The following NME7 variants were observed in gnomAD, a reference collection of about 807,000 sequenced individuals.
The protein encoded by NME7 is NME/NM23 family member 7.
In NME7, 41 loss-of-function variants were observed where a neutral mutation model predicts 49.1. The ratio of observed to expected loss-of-function variants is 0.83; its 90% CI spans 0.65 to 1.08. NME7 has a LOEUF of 1.08. Among genes scored for constraint, NME7 ranks in the 50% least tolerant of loss-of-function variants. The probability of loss-of-function intolerance (pLI) is 0.00; values close to 1 mark genes in which losing one functional copy is unlikely to be tolerated. For synonymous variants in NME7, 139 were observed against 150.6 expected, an observed-to-expected ratio of 0.92 and a Z score of 0.56; for missense variants, 423 against 463.4, an observed-to-expected ratio of 0.91 and a Z score of 0.80.
At chr1:169,160,184 C>G (rs994633904) in intron 11 of NME7, among the ~76,000 whole-genome samples, 2 of 152,144 alleles carry the variant, frequency 1.3e-5, no homozygotes, top group East Asian at 3.8e-4. Context: ...CTTGGCCCAT[C>G]TACTTTATCC....
At chr1:169,342,280 T>C (rs1481308220) in intron 1 of NME7, among the ~76,000 whole-genome samples, 3 of 151,754 alleles carry the variant, frequency 2.0e-5, no homozygotes, top group Non-Finnish European at 1.5e-5. Context: ...CCCCTGCACA[T>C]TCTCTCTCTC....
intron 5 of NME7, 121 bp downstream of exon 5, chr1:169,303,024 A>G: frequency 1.7e-6 from 1 of 579,086 alleles, no homozygotes; most frequent in East Asian, 3.4e-5. Flanking sequence ...GTGCAGTTGC[A>G]AGATGTTGCT....
chr1:169,335,157 T>C (rs1410915866), intron 1 of NME7, among the ~76,000 whole-genome samples: 5 of 152,208 alleles, frequency 3.3e-5, no homozygotes, highest in Non-Finnish European at 1.5e-5. Context: ...TGGTGATTCC[T>C]CAAGGATTTA....
At chr1:169,318,286 A>G (rs1427105515) in intron 3 of NME7, among the ~76,000 whole-genome samples, 1 of 152,236 alleles carries the variant, frequency 6.6e-6, no homozygotes, top group Non-Finnish European at 1.5e-5. Context: ...ATTTTGATCT[A>G]CATCTATCTC....
At chr1:169,271,756 A>C (rs1438031726) in intron 7 of NME7, among the ~76,000 whole-genome samples, 1 of 132,976 alleles carries the variant, frequency 7.5e-6, no homozygotes, top group Non-Finnish European at 1.8e-5. Context: ...TTTTAAAATA[A>C]AAATCTTTAA....
intron 11 of NME7, among the ~76,000 whole-genome samples, chr1:169,155,277 G>T (rs1456747232): frequency 6.6e-6 from 1 of 152,162 alleles, no homozygotes; most frequent in Non-Finnish European, 1.5e-5. Flanking sequence ...AGATGGTGAG[G>T]GTCTAGGATG....
chr1:169,282,004 A>G (rs12723742), intron 7 of NME7, among the ~76,000 whole-genome samples: 47,872 of 151,874 alleles, frequency 0.32, 8,406 homozygotes, highest in East Asian at 0.67. Context: ...TATTGTTTGG[A>G]ACAGTTTCAG....
At chr1:169,287,458 C>G in intron 6 of NME7, 50 bp from the exon 7 acceptor site, 4 of 1,243,634 alleles carry the variant, frequency 3.2e-6, no homozygotes, top group Non-Finnish European at 4.4e-6. Flanking sequence ...TTATCTTGAA[C>G]TTACAAGATA....
At chr1:169,160,127 T>C (rs1659202603) in intron 11 of NME7, among the ~76,000 whole-genome samples, 2 of 152,156 alleles carry the variant, frequency 1.3e-5, no homozygotes, top group South Asian at 4.1e-4. Flanking sequence ...GCTCTTTCCC[T>C]GTTATTCCTG....
chr1:169,205,428 G>A (rs1312818754), intron 10 of NME7, among the ~76,000 whole-genome samples: 8 of 152,226 alleles, frequency 5.3e-5, no homozygotes, highest in Non-Finnish European at 1.5e-5. Context: ...GTGTCAAATA[G>A]TTGTGTGGTA....
At chr1:169,312,560 C>G (rs111308821) in intron 3 of NME7, among the ~76,000 whole-genome samples, 3 of 152,190 alleles carry the variant, frequency 2.0e-5, no homozygotes, top group African/African-American at 7.2e-5. Context: ...ACGGTAACTA[C>G]TTCTTGTGAA....
chr1:169,342,586 A>G (rs1367452828), intron 1 of NME7, among the ~76,000 whole-genome samples: 1 of 96,618 alleles, frequency 1.0e-5, no homozygotes, highest in Non-Finnish European at 2.2e-5. Flanking sequence ...GTATATATAT[A>G]TATACAAGTA....
intron 1 of NME7, among the ~76,000 whole-genome samples, chr1:169,325,324 T>C (rs1254302831): frequency 3.9e-5 from 6 of 152,042 alleles, no homozygotes; most frequent in Non-Finnish European, 1.5e-5. Context: ...CTCCTCTCAA[T>C]CAGTGGCTGG....
chr1:169,205,713 A>C (rs967608135), intron 10 of NME7, among the ~76,000 whole-genome samples: 1 of 152,132 alleles, frequency 6.6e-6, no homozygotes, highest in Non-Finnish European at 1.5e-5. Context: ...TATTCACCAC[A>C]TGGAAGCCAG....
chr1:169,169,774 C>T (rs990957125), intron 10 of NME7, among the ~76,000 whole-genome samples: 4 of 152,190 alleles, frequency 2.6e-5, no homozygotes, highest in Non-Finnish European at 5.9e-5. Context: ...GGGAATCACA[C>T]AAAATGTGAA....
chr1:169,175,078 T>G (rs1289932739), intron 10 of NME7, among the ~76,000 whole-genome samples: 1 of 152,070 alleles, frequency 6.6e-6, no homozygotes, highest in African/African-American at 2.4e-5. Context: ...TACAAAAATC[T>G]TTTCTTTCTT....
intron 10 of NME7, among the ~76,000 whole-genome samples, chr1:169,194,200 C>A (rs1660309821): frequency 6.6e-6 from 1 of 152,118 alleles, no homozygotes; most frequent in Non-Finnish European, 1.5e-5. Context: ...ATCAAAATTT[C>A]TCAATCCCTA....
chr1:169,318,205 A>C (rs142601078), intron 3 of NME7, among the ~76,000 whole-genome samples: 5 of 152,314 alleles, frequency 3.3e-5, no homozygotes, highest in Non-Finnish European at 4.4e-5. Flanking sequence ...AGGAAATAGG[A>C]ATAGAAAGAA....
chr1:169,318,362 T>C (rs1351063401), intron 3 of NME7, among the ~76,000 whole-genome samples: 1 of 152,092 alleles, frequency 6.6e-6, no homozygotes. Flanking sequence ...GCTCAAGAGA[T>C]GACAAGAAGC....
Sources: allele counts gnomAD v4.1 joint callset (sites outside exome capture counted in the v4.1 genomes callset), GRCh38; gene constraint gnomAD v4.1.1; transcripts MANE v1.5; gene names NCBI Gene and HGNC (gene_info 2026-07-23, HGNC 2026-07-21).